Variants in DNMT1 observed in about 807,000 individuals in gnomAD.
DNMT1 encodes DNA methyltransferase 1.
In DNMT1, 24 loss-of-function variants were observed where a neutral mutation model predicts 205.3. That is an observed-to-expected ratio of 0.12 (90% CI 0.08 to 0.16). DNMT1 has a LOEUF of 0.16. Among genes scored for constraint, DNMT1 ranks in the 10% least tolerant of loss-of-function variants. The pLI is 1.00. For synonymous variants in DNMT1, 817 were observed against 839.8 expected (o/e 0.97, Z 0.47); for missense variants, 1,293 against 2,177.7 (o/e 0.59, Z 8.09).
rs2145266362 is a variant in DNMT1, at chr19:10,140,545, T to C, written c.3524-217A>G. The C allele has an allele frequency of 1.1e-6, 1 of 904,610 alleles. No homozygotes were observed. The highest frequency in any genetic ancestry group is 1.7e-6 in the Non-Finnish European group (1 of 600,972). 56.0% of individuals were successfully genotyped at this position (904,610 alleles called of 1,614,324 possible). On this transcript the variant is annotated intron_variant, in intron 32 of 40. Coordinates refer to ENST00000359526, the MANE Select transcript of DNMT1 (RefSeq NM_001130823.3). The surrounding 1 kb of genome is among the most constrained non-coding windows in gnomAD (Gnocchi z 8.4). ...CCACCACGCCCAGCTAATTTTTGTA[T>C]TCTTATTAGAGACGGGGTTTCACCA...
intron 1 of DNMT1, among the ~76,000 whole-genome samples, chr19:10,193,090 C>T (rs1240803426): frequency 6.6e-6 from 1 of 152,094 alleles, no homozygotes; most frequent in Non-Finnish European, 1.5e-5. Flanking sequence ...CATGATGGCT[C>T]ATACTTGTAA....
chr19:10,159,010 C>T lies in DNMT1; in HGVS notation c.1280+648G>A, dbSNP rs2038513617. On this transcript the variant is annotated intron_variant, in intron 17 of 40. Coordinates refer to ENST00000359526, the MANE Select transcript of DNMT1 (RefSeq NM_001130823.3). The surrounding 1 kb of genome is among the most constrained non-coding windows in gnomAD (Gnocchi z 5.0). ...ATCTGTCGTGGCTGTCACTACCCGA[C>T]AGGTATCACCCATTTCTGGCTCCGT... Among the ~76,000 whole-genome samples the T allele has an allele frequency of 6.6e-6, 1 of 152,208 alleles. No individual in the cohort carries two copies. Among genetic ancestry groups the T allele is most frequent in the South Asian group, 2.1e-4 (1 of 4,834 alleles).
chr19:10,170,076 G>A (rs2145350783), intron 9 of DNMT1, among the ~76,000 whole-genome samples: 1 of 152,226 alleles, frequency 6.6e-6, no homozygotes, highest in Middle Eastern at 3.4e-3. Flanking sequence ...CCTGAGGTCA[G>A]GAGTTCCAGA....
Position 10,180,439 on chromosome 19 carries a change from C to G in DNMT1, c.356G>C (p.Arg119Thr), listed in dbSNP as rs777666240. 6.2e-7 allele frequency: 1 copy of G among 1,614,184 alleles called. No homozygotes were observed. The highest frequency in any genetic ancestry group is 1.1e-5 in the South Asian group (1 of 91,086). ...GCTGTTGGCATCTGCCATTCCCACT[C>G]TACGGGCTTCACTTCTTGCTTGGTT... ...NGNQARSEAR[R>T]VGMADANSPP... The change falls in exon 4 of 41, where the codon AGA becomes ACA. Residue 119 changes from arginine (R) to threonine (T), a missense_variant. Physicochemically the swap from Arg to Thr is moderately conservative, Grantham distance 71 (BLOSUM62 -1). This residue lies in a region of DNMT1 where 394 missense variants were observed against 451.6 expected (regional missense o/e 0.87). Coordinates refer to ENST00000359526, the MANE Select transcript of DNMT1 (RefSeq NM_001130823.3).
At chr19:10,158,727 C>T (rs2038507141) in intron 17 of DNMT1, among the ~76,000 whole-genome samples, 1 of 152,280 alleles carries the variant, frequency 6.6e-6, no homozygotes, top group Admixed American at 6.5e-5. Context: ...AGTGCTGAGG[C>T]CTGCAAGGCC....
rs758190156 is a variant in DNMT1 at position 10,173,163 on chromosome 19, G to A, written c.695C>T (p.Pro232Leu). The A allele has an allele frequency of 1.5e-5, 24 of 1,613,980 alleles. No individual in the cohort carries two copies. Among genetic ancestry groups the A allele is most frequent in the African/African-American group, 8.0e-5 (6 of 74,894 alleles). ...TCTTTCAGGTTCTTCTGCAGGAAGC[G>A]GTCTAGCAACTCTGTCAAGCAAAAT... ...RVTSRERVAR[P>L]LPAEEPERAK... Residue 232 changes from proline (P) to leucine (L), a missense_variant, in exon 9 of 41, where the codon CCG becomes CTG. Transcript: ENST00000359526.
At chr19:10,141,066 A>G in intron 31 of DNMT1, 39 bp downstream of exon 31, 1 of 1,612,368 alleles carries the variant, frequency 6.2e-7, no homozygotes, top group Non-Finnish European at 8.5e-7. Flanking sequence ...TCCAAGTTAC[A>G]GAAGAATAAC....
At chr19:10,170,455 A>G (rs2038793130) in intron 9 of DNMT1, among the ~76,000 whole-genome samples, 1 of 152,124 alleles carries the variant, frequency 6.6e-6, no homozygotes, top group Admixed American at 6.6e-5. Flanking sequence ...CCTAGCCAAC[A>G]TGGTGAACCC....
intron 1 of DNMT1, among the ~76,000 whole-genome samples, chr19:10,182,427 GTGTGTATATATATACATATATATGTGTA>G (rs1568256125): frequency 3.7e-4 from 12 of 32,280 alleles, no homozygotes; most frequent in Non-Finnish European, 6.6e-4. Flanking sequence ...GTATATATAT[GTGTGTATATATATACATATATATGTGTA>G]TATATATGTG....
intron 1 of DNMT1, among the ~76,000 whole-genome samples, chr19:10,186,691 A>G (rs1414541173): frequency 2.0e-5 from 3 of 151,832 alleles, no homozygotes; most frequent in African/African-American, 7.3e-5. Flanking sequence ...ATCCAGAATC[A>G]GCCAGGCATG....
In DNMT1 at chr19:10,154,194, CAG is replaced by C. The variant is rs1247832758; in HGVS notation, c.2019+97_2019+98del. ...GTCTCAGGGGTCACATTTGAGCAGCCAGAGTCTCAAGCCACAGAGAGAAAGAT... is the reference window on the plus strand; with the variant it reads ...GTCTCAGGGGTCACATTTGAGCAGCCAGTCTCAAGCCACAGAGAGAAAGAT... On this transcript the variant is annotated intron_variant, in intron 22 of 40. Coordinates refer to ENST00000359526, the MANE Select transcript of DNMT1 (RefSeq NM_001130823.3). This position sits in a 1 kb window ranked among gnomAD's most constrained non-coding sequence, Gnocchi z 6.3. 54 of 1,289,908 alleles carry C rather than the reference CAG, an allele frequency of 4.2e-5. No individual in the cohort carries two copies. The Admixed American group carries it at 4.4e-4, about 11-fold the overall frequency. 79.9% of individuals were successfully genotyped at this position (1,289,908 alleles called of 1,614,324 possible). A position where few individuals can be genotyped will look rare whatever the true frequency, so the allele number is the denominator to read the frequency against.
At position 10,146,541 on chromosome 19, in the gene DNMT1, G is replaced by T; in HGVS notation, c.2721-17C>A. ...ACACAGAATCTGAAGGAAACAAAGG[G>T]ACAGAAACATAAGGCCCTGAGGTGG... On this transcript the variant is annotated splice_polypyrimidine_tract_variant and intron_variant, in intron 27 of 40. Transcript: ENST00000359526. This position sits in a 1 kb window ranked among gnomAD's most constrained non-coding sequence, Gnocchi z 4.4. The T allele has an allele frequency of 6.2e-7, 1 of 1,613,886 alleles. No individual in the cohort carries two copies. The highest frequency in any genetic ancestry group is 8.5e-7 in the Non-Finnish European group (1 of 1,180,038).
chr19:10,182,702 C>T (rs977953611), intron 1 of DNMT1, among the ~76,000 whole-genome samples: 2 of 151,488 alleles, frequency 1.3e-5, no homozygotes, highest in Non-Finnish European at 2.9e-5. Context: ...TGGAGTCTCG[C>T]TCTGTTGCCC....
At chr19:10,164,483 C>G (rs1221867631) in intron 11 of DNMT1, among the ~76,000 whole-genome samples, 1 of 152,112 alleles carries the variant, frequency 6.6e-6, no homozygotes, top group Non-Finnish European at 1.5e-5. Context: ...CATGGTGGTG[C>G]ATGCCTGTAG....
At position 10,156,400 on chromosome 19, in the gene DNMT1, A is replaced by G; in HGVS notation, c.1390T>C (p.Ser464Pro). The G allele has an allele frequency of 6.2e-7, 1 of 1,609,362 alleles. No individual in the cohort carries two copies. The change falls in exon 18 of 41, where the codon TCT becomes CCT. Residue 464 changes from serine (S) to proline (P), a missense_variant. This residue lies in a region of DNMT1 where 120 missense variants were observed against 315.9 expected (regional missense o/e 0.38). Coordinates refer to ENST00000359526, the MANE Select transcript of DNMT1 (RefSeq NM_001130823.3). The surrounding 1 kb of genome is among the most constrained non-coding windows in gnomAD (Gnocchi z 4.2). ...CCGGACTATTCCTTACCTTCAAGAG[A>G]TGGGTCATCATCATAGATTGGTTTT... ...SAKPIYDDDPSLEGGVNGKNL... is the reference protein window; with the variant it reads ...SAKPIYDDDPPLEGGVNGKNL...
chr19:10,169,559 A>G (rs974321115), intron 9 of DNMT1, among the ~76,000 whole-genome samples: 1 of 151,390 alleles, frequency 6.6e-6, no homozygotes, highest in Admixed American at 6.6e-5. Flanking sequence ...TTCCGTCTCA[A>G]AAAATAAATA....
rs762015696 is a variant in DNMT1, at chr19:10,140,587, C to G, written c.3523+194G>C. The G allele has an allele frequency of 4.8e-6, 5 of 1,031,604 alleles. No homozygotes were observed. Among genetic ancestry groups the G allele is most frequent in the Non-Finnish European group, 7.2e-6 (5 of 698,026 alleles). 63.9% of individuals were successfully genotyped at this position (1,031,604 alleles called of 1,614,324 possible). A position where few individuals can be genotyped will look rare whatever the true frequency, so the allele number is the denominator to read the frequency against. On this transcript the variant is annotated intron_variant, in intron 32 of 40. Transcript: ENST00000359526. This position sits in a 1 kb window ranked among gnomAD's most constrained non-coding sequence, Gnocchi z 8.4. ...GTTTCACCATGTTGGCCAGGATGGT[C>G]TCAAACTCCTGACCTCATGATCCAC...
intron 24 of DNMT1, among the ~76,000 whole-genome samples, chr19:10,150,625 T>C (rs1394468841): frequency 6.6e-6 from 1 of 152,204 alleles, no homozygotes; most frequent in African/African-American, 2.4e-5. Context: ...GCATCTTTAA[T>C]TTATGGACGT....
chr19:10,134,153 G>T, intron 40 of DNMT1, 64 bp downstream of exon 40: 1 of 1,578,996 alleles, frequency 6.3e-7, no homozygotes, highest in Non-Finnish European at 8.7e-7. Context: ...GCCAGCAACT[G>T]CCCCCACATG....
Sources: gnomAD v4.1 joint callset for allele counts (sites outside exome capture counted in the v4.1 genomes callset) on GRCh38, gnomAD v4.1.1 for gene constraint, gnomAD v4.1.1 regional missense constraint, Gnocchi (gnomAD v3.1) non-coding constraint, MANE v1.5 for transcripts, NCBI Gene and HGNC (gene_info 2026-07-23, HGNC 2026-07-21) for gene names.